CUX2: variants seen among roughly 807,000 people sequenced by gnomAD.
CUX2 encodes the protein homeobox protein cut-like 2.
A neutral mutation model predicts 144.8 loss-of-function variants in CUX2; 40 were observed. The observed-to-expected ratio is 0.28, with a 90% CI of 0.21 to 0.36. CUX2 has a LOEUF of 0.36. CUX2 is among the 10% of genes least tolerant of loss of function. The pLI, the probability that CUX2 is intolerant of heterozygous loss-of-function variation, is 1.00. For missense variants in CUX2, 1,615 were observed against 1,994.0 expected (o/e 0.81, Z 3.62); for synonymous variants, 827 against 875.6 (o/e 0.94, Z 0.98).
intron 1 of CUX2, among the ~76,000 whole-genome samples, chr12:111,208,474 G>A (rs1356252388): frequency 5.9e-5 from 9 of 152,186 alleles, no homozygotes; most frequent in Admixed American, 5.9e-4. Flanking sequence ...GACGAATTGA[G>A]AATGCTAGAC....
chr12:111,065,626 G>A (rs570778581), intron 1 of CUX2, among the ~76,000 whole-genome samples: 3 of 152,192 alleles, frequency 2.0e-5, no homozygotes, highest in Non-Finnish European at 4.4e-5. Flanking sequence ...ATGAGCCACC[G>A]CACCCAGCCA....
rs554225075 is a variant in CUX2 at position 111,162,883 on chromosome 12, T to TA, written c.64-51312dup. On this transcript the variant is annotated intron_variant, in intron 1 of 21. Coordinates refer to ENST00000261726, the MANE Select transcript of CUX2 (RefSeq NM_015267.4). ...CAACATGGTGAAACCCCATCTCTAA[T>TA]AAAAATACAAAACCTAGCCAGGCAT... 9.9e-5 allele frequency among the ~76,000 whole-genome samples: 15 copies of TA among 152,056 alleles called. No homozygotes were observed. In the South Asian group the frequency reaches 2.9e-3, roughly 30 times the overall value.
chr12:111,286,135 G>A (rs577942614), intron 4 of CUX2, among the ~76,000 whole-genome samples: 11 of 152,170 alleles, frequency 7.2e-5, no homozygotes, highest in Non-Finnish European at 1.0e-4. Context: ...ACCCTGTCCC[G>A]AGTTCCACAG....
chr12:111,344,214 A>C (rs1179396296), intron 21 of CUX2, among the ~76,000 whole-genome samples: 1 of 152,188 alleles, frequency 6.6e-6, no homozygotes, highest in Admixed American at 6.5e-5. Context: ...GGAACTGAGC[A>C]CTCCGTTATT....
intron 1 of CUX2, among the ~76,000 whole-genome samples, chr12:111,047,566 G>A (rs906935891): frequency 6.6e-6 from 1 of 152,084 alleles, no homozygotes; most frequent in African/African-American, 2.4e-5. Context: ...CATCCCTTGG[G>A]GCAGGCTCTG....
At chr12:111,167,021 G>A (rs1255851454) in intron 1 of CUX2, among the ~76,000 whole-genome samples, 2 of 152,154 alleles carry the variant, frequency 1.3e-5, no homozygotes, top group Admixed American at 6.5e-5. Flanking sequence ...GGGCAGGGCG[G>A]GGGCTCTGCC....
intron 21 of CUX2, among the ~76,000 whole-genome samples, 177 bp from the exon 22 acceptor site, chr12:111,347,347 A>G (rs1312108139): frequency 2.0e-5 from 3 of 152,170 alleles, no homozygotes; most frequent in Admixed American, 6.5e-5. Flanking sequence ...GGAGATAATA[A>G]TAGCGCCCAC....
At chr12:111,169,873 C>T (rs1207626340) in intron 1 of CUX2, among the ~76,000 whole-genome samples, 3 of 152,044 alleles carry the variant, frequency 2.0e-5, no homozygotes, top group Non-Finnish European at 4.4e-5. Context: ...TGGTGGCAGG[C>T]CAGGGTGGTC....
intron 1 of CUX2, among the ~76,000 whole-genome samples, chr12:111,149,041 A>G (rs569893453): frequency 7.9e-5 from 12 of 152,234 alleles, no homozygotes; most frequent in Non-Finnish European, 1.5e-4. Flanking sequence ...ACACTTACCT[A>G]CACAAACTTA....
intron 4 of CUX2, among the ~76,000 whole-genome samples, chr12:111,278,621 A>G (rs1370390508): frequency 6.6e-6 from 1 of 152,204 alleles, no homozygotes; most frequent in East Asian, 1.9e-4. Context: ...CTACTATGTG[A>G]AGAGCCAGAG....
chr12:111,098,370 A>G (rs1872961917), intron 1 of CUX2, among the ~76,000 whole-genome samples: 1 of 151,776 alleles, frequency 6.6e-6, no homozygotes, highest in South Asian at 2.1e-4. Flanking sequence ...ACTGCACTCC[A>G]GCCTGAGCGA....
At chr12:111,127,359 T>C (rs991625081) in intron 1 of CUX2, among the ~76,000 whole-genome samples, 8 of 152,226 alleles carry the variant, frequency 5.3e-5, no homozygotes, top group Non-Finnish European at 1.2e-4. Context: ...TAGTTTTCCA[T>C]TGACCTTAGT....
intron 16 of CUX2, among the ~76,000 whole-genome samples, chr12:111,316,651 C>T (rs1025622458): frequency 2.6e-5 from 4 of 151,648 alleles, no homozygotes; most frequent in Admixed American, 6.6e-5. Flanking sequence ...GGTTTCACCA[C>T]GTTGGCCAGA....
intron 1 of CUX2, among the ~76,000 whole-genome samples, chr12:111,102,761 A>C (rs947704415): frequency 1.3e-5 from 2 of 152,262 alleles, no homozygotes; most frequent in African/African-American, 4.8e-5. Context: ...ACAGCTCCTT[A>C]ACCTCTCTGA....
intron 1 of CUX2, among the ~76,000 whole-genome samples, chr12:111,183,217 G>A (rs1391289315): frequency 1.3e-5 from 2 of 152,244 alleles, no homozygotes; most frequent in Non-Finnish European, 2.9e-5. Flanking sequence ...ATGAATGAAT[G>A]ATATGTGAAC....
At chr12:111,114,011 T>A (rs183786375) in intron 1 of CUX2, among the ~76,000 whole-genome samples, 23 of 152,384 alleles carry the variant, frequency 1.5e-4, no homozygotes, top group Admixed American at 1.1e-3. Flanking sequence ...TCAAGTCATT[T>A]GCAGTTTCTA....
chr12:111,347,900 C>T lies in CUX2; in HGVS notation c.4036C>T (p.Pro1346Ser). Residue 1346 changes from proline to serine, a missense_variant, in exon 22 of 22, where the codon CCC (proline) becomes TCC (serine). Physicochemically the swap from Pro to Ser is moderately conservative, Grantham distance 74. Around this residue, in one of 12 missense-constraint regions of CUX2, gnomAD observed 298 missense variants for 330.4 expected, o/e 0.90. Coordinates refer to ENST00000261726, the MANE Select transcript of CUX2 (RefSeq NM_015267.4). ...PGNDGLPKVAPGPLLPGGSTP... is the reference protein window; with the variant it reads ...PGNDGLPKVASGPLLPGGSTP... ...TAATGATGGACTCCCAAAAGTGGCT[C>T]CCGGGCCCCTCCTTCCAGGTGGATC... The T allele has an allele frequency of 6.2e-7, 1 of 1,614,138 alleles. No homozygotes were observed.
At chr12:111,194,286 G>A (rs1177068942) in intron 1 of CUX2, among the ~76,000 whole-genome samples, 2 of 152,184 alleles carry the variant, frequency 1.3e-5, no homozygotes, top group Non-Finnish European at 2.9e-5. Context: ...CCACGCACGT[G>A]ATAAGCACAA....
intron 1 of CUX2, among the ~76,000 whole-genome samples, chr12:111,191,542 G>A (rs944963193): frequency 1.3e-5 from 2 of 152,084 alleles, no homozygotes; most frequent in Admixed American, 6.5e-5. Flanking sequence ...TGTTGGCCAG[G>A]CTGCAGAACC....
Sources: allele counts gnomAD v4.1 joint callset (sites outside exome capture counted in the v4.1 genomes callset), GRCh38; gene constraint gnomAD v4.1.1; regional missense constraint gnomAD v4.1.1; transcripts MANE v1.5; gene names NCBI Gene and HGNC (gene_info 2026-07-23, HGNC 2026-07-21).